ESRRG: variants seen among roughly 807,000 people sequenced by gnomAD.
The protein encoded by ESRRG is estrogen-related receptor gamma.
A neutral mutation model predicts 44.0 loss-of-function variants in ESRRG; 13 were observed. The ratio of observed to expected loss-of-function variants is 0.30; its 90% CI spans 0.19 to 0.47. The LOEUF (loss-of-function observed/expected upper bound fraction) is 0.47, where lower values mean the gene tolerates loss of function less well. Among genes scored for constraint, ESRRG ranks in the 20% least tolerant of loss-of-function variants. The pLI is 1.00. For synonymous variants in ESRRG, 215 were observed against 214.6 expected, an observed-to-expected ratio of 1.00 and a Z score of -0.02; for missense variants, 395 against 580.6, an observed-to-expected ratio of 0.68 and a Z score of 3.29.
rs534775205 is a variant in ESRRG, at chr1:216,962,586, C to CT, written c.-105-22914dup. 4.2e-3 allele frequency among the ~76,000 whole-genome samples: 634 copies of CT among 151,680 alleles called. 2 individuals carry two copies. The highest frequency in any genetic ancestry group is 0.015 in the African/African-American group (601 of 41,364). ...TTTTTTCTTTTTTCTTTTCTTTTCTCTTTTTTCTTTTCTTTCTTATTGTTA... is the reference window on the plus strand; with the variant it reads ...TTTTTTCTTTTTTCTTTTCTTTTCTCTTTTTTTCTTTTCTTTCTTATTGTTA... On this transcript the variant is annotated intron_variant, in intron 1 of 7. Coordinates refer to the ESRRG transcript ENST00000359162.
intron 1 of ESRRG, among the ~76,000 whole-genome samples, chr1:216,687,026 CGTGT>C (rs143144178): frequency 2.7e-5 from 4 of 149,236 alleles, no homozygotes; most frequent in South Asian, 2.1e-4. Context: ...TGGCAGGGCC[CGTGT>C]GTGTGTGTGT....
intron 1 of ESRRG, among the ~76,000 whole-genome samples, chr1:217,049,039 G>C (rs144194621): frequency 5.8e-4 from 88 of 152,198 alleles, no homozygotes; most frequent in African/African-American, 2.0e-3. Flanking sequence ...GCCTTGCCTA[G>C]CTCCTCTGTC....
At chr1:216,604,996 G>T (rs1453087983) in intron 3 of ESRRG, among the ~76,000 whole-genome samples, 3 of 152,160 alleles carry the variant, frequency 2.0e-5, no homozygotes, top group African/African-American at 7.2e-5. Context: ...ATGGAAGGAG[G>T]GAGGGGGAGA....
chr1:217,136,560 A>G (rs1438796996), intron 1 of ESRRG, among the ~76,000 whole-genome samples: 2 of 151,494 alleles, frequency 1.3e-5, no homozygotes, highest in East Asian at 1.9e-4. Flanking sequence ...CTTACTAATC[A>G]CCCCGCACGC....
intron 2 of ESRRG, among the ~76,000 whole-genome samples, chr1:216,663,013 A>G (rs1401621348): frequency 6.6e-6 from 1 of 152,244 alleles, no homozygotes; most frequent in African/African-American, 2.4e-5. Context: ...TTTCTTGCTC[A>G]CGACTCTGTA....
upstream of ESRRG, among the ~76,000 whole-genome samples, chr1:216,724,570 A>T (rs2087094447): frequency 1.3e-5 from 2 of 152,088 alleles, no homozygotes; most frequent in African/African-American, 4.8e-5. Flanking sequence ...AAAAAAATCA[A>T]CCCAGAAACA....
At chr1:217,076,573 A>G (rs1375947270) in intron 1 of ESRRG, among the ~76,000 whole-genome samples, 2 of 152,214 alleles carry the variant, frequency 1.3e-5, no homozygotes, top group African/African-American at 2.4e-5. Flanking sequence ...AAGTTAGGAC[A>G]CAGCACTTCT....
intron 2 of ESRRG, chr1:216,804,948 T>G (rs968118872): frequency 6.6e-6 from 1 of 152,214 alleles, no homozygotes; most frequent in Non-Finnish European, 1.5e-5. Context: ...CTTACAATTT[T>G]GGGATGTGTA....
At chr1:216,864,579 A>G (rs2096115748) in intron 2 of ESRRG, 1 of 152,134 alleles carries the variant, frequency 6.6e-6, no homozygotes, top group African/African-American at 2.4e-5. Context: ...AGAAAAAAAA[A>G]ACCAAAACAC....
intron 2 of ESRRG, among the ~76,000 whole-genome samples, chr1:216,777,562 A>G (rs2093661880): frequency 6.6e-6 from 1 of 152,188 alleles, no homozygotes; most frequent in Non-Finnish European, 1.5e-5. Context: ...CCACAGTGCT[A>G]GACTTAAATC....
intron 2 of ESRRG, among the ~76,000 whole-genome samples, chr1:216,902,883 T>C (rs2059248925): frequency 1.3e-5 from 2 of 152,196 alleles, no homozygotes; most frequent in South Asian, 2.1e-4. Context: ...ATTTGGCCTG[T>C]GGTTCACAGT....
chr1:217,063,788 T>C (rs564667803), intron 1 of ESRRG, among the ~76,000 whole-genome samples: 5 of 152,024 alleles, frequency 3.3e-5, no homozygotes, highest in Non-Finnish European at 7.4e-5. Flanking sequence ...CTCTAGAGAG[T>C]CTTACTCAAA....
chr1:216,559,966 G>A (rs906278091), intron 5 of ESRRG, among the ~76,000 whole-genome samples: 2 of 152,102 alleles, frequency 1.3e-5, no homozygotes, highest in African/African-American at 4.8e-5. Context: ...TGCTAGAAAA[G>A]TCTAAATACT....
At chr1:216,732,632 A>T (rs2089065850) in intron 2 of ESRRG, among the ~76,000 whole-genome samples, 1 of 151,728 alleles carries the variant, frequency 6.6e-6, no homozygotes, top group Non-Finnish European at 1.5e-5. Context: ...CCTACTAGTG[A>T]AAATGTACAA....
intron 2 of ESRRG, among the ~76,000 whole-genome samples, chr1:216,793,465 A>C (rs1203936763): frequency 6.6e-6 from 1 of 152,182 alleles, no homozygotes; most frequent in Admixed American, 6.5e-5. Context: ...GTAAGCAGCC[A>C]TATGAAGAGA....
intron 5 of ESRRG, among the ~76,000 whole-genome samples, chr1:216,559,597 T>C (rs1262830006): frequency 6.6e-6 from 1 of 152,218 alleles, no homozygotes; most frequent in African/African-American, 2.4e-5. Context: ...ATCACACACA[T>C]ATATACATAG....
intron 1 of ESRRG, among the ~76,000 whole-genome samples, chr1:216,986,754 G>T: frequency 6.6e-6 from 1 of 151,860 alleles, no homozygotes; most frequent in East Asian, 1.9e-4. Context: ...TGAACTAAAA[G>T]AAGAAAAAGG....
chr1:216,697,312 C>T (rs1308442387), intron 1 of ESRRG, among the ~76,000 whole-genome samples: 1 of 152,180 alleles, frequency 6.6e-6, no homozygotes, highest in Non-Finnish European at 1.5e-5. Context: ...TTAAAATCTG[C>T]ATCTGATTTT....
At chr1:216,986,350 GAATGCAGATT>G (rs113274197) in intron 1 of ESRRG, among the ~76,000 whole-genome samples, 3,740 of 152,202 alleles carry the variant, frequency 0.025, 150 homozygotes, top group African/African-American at 0.084. Context: ...CCATGTCTGA[GAATGCAGATT>G]CAGAAATTGT....
Sources: allele counts gnomAD v4.1 joint callset (sites outside exome capture counted in the v4.1 genomes callset), GRCh38; gene constraint gnomAD v4.1.1; transcripts MANE v1.5; gene names NCBI Gene and HGNC (gene_info 2026-07-23, HGNC 2026-07-21).